ADRA1B: variants seen among roughly 807,000 people sequenced by gnomAD.
The protein encoded by ADRA1B is alpha-1B adrenergic receptor.
Under a neutral mutation model 17.9 loss-of-function variants are expected in ADRA1B, and 17 were observed. The observed-to-expected ratio is 0.95, with a 90% CI of 0.65 to 1.42. The LOEUF (loss-of-function observed/expected upper bound fraction) is 1.42. Among genes scored for constraint, ADRA1B ranks in the 40% most tolerant of loss-of-function variants. The pLI is 0.00. For missense variants in ADRA1B, 681 were observed against 722.1 expected (o/e 0.94, Z 0.65); for synonymous variants, 366 against 327.6 (o/e 1.12, Z -1.27).
chr5:159,917,572 T>TA lies in ADRA1B; in HGVS notation c.668dup (p.Tyr223Ter). Residue 223 changes from tyrosine to a stop codon, truncating the protein, a stop_gained and frameshift_variant, in exon 1 of 2, where the codon TAC becomes TAAC. Transcript: ENST00000306675. LOFTEE classifies it high-confidence loss of function. ...YIPLAVILVM[Y>*]CRVYIVAKRT... ...CCCTCTGGCGGTCATTCTAGTCATG[T>TA]ACTGCCGTGTCTATATAGTGGCCAA... 6.2e-7 allele frequency: 1 copy of TA among 1,614,124 alleles called. No individual in the cohort carries two copies. The highest frequency in any genetic ancestry group is 8.5e-7 in the Non-Finnish European group (1 of 1,180,012).
At chr5:159,917,989 T>G in intron 1 of ADRA1B, 135 bp downstream of exon 1, 1 of 854,920 alleles carries the variant, frequency 1.2e-6, no homozygotes, top group Non-Finnish European at 1.8e-6. Context: ...TAATATTGTT[T>G]GTTCTGCAAA....
At chr5:159,939,810 A>G (rs924812931) in intron 1 of ADRA1B, among the ~76,000 whole-genome samples, 16 of 152,106 alleles carry the variant, frequency 1.1e-4, no homozygotes, top group African/African-American at 3.9e-4. Flanking sequence ...TGCCAGTGCA[A>G]TTCCCTCTGC....
chr5:159,872,249 T>A (rs1481486321), intron 1 of ADRA1B, among the ~76,000 whole-genome samples: 3 of 152,180 alleles, frequency 2.0e-5, no homozygotes, highest in Non-Finnish European at 4.4e-5. Context: ...TGTTAATGAG[T>A]GCTCTTGCTT....
chr5:159,980,063 G>A, the ADRA1B span, among the ~76,000 whole-genome samples: 6 of 151,938 alleles, frequency 3.9e-5, no homozygotes, highest in South Asian at 2.1e-4. Flanking sequence ...AGGGAAAGTC[G>A]TGTTTCATGG....
chr5:159,969,343 A>C (rs1755827971), intron 1 of ADRA1B, among the ~76,000 whole-genome samples: 1 of 152,220 alleles, frequency 6.6e-6, no homozygotes, highest in African/African-American at 2.4e-5. Flanking sequence ...CTGGGCAGAG[A>C]ATTAGGAGTC....
chr5:159,934,638 G>A (rs1017042993), intron 1 of ADRA1B, among the ~76,000 whole-genome samples: 1 of 151,764 alleles, frequency 6.6e-6, no homozygotes, highest in Non-Finnish European at 1.5e-5. Context: ...AACCCCGTCT[G>A]TACTAAAAAT....
At chr5:159,941,714 A>T (rs898652264) in intron 1 of ADRA1B, among the ~76,000 whole-genome samples, 1 of 149,428 alleles carries the variant, frequency 6.7e-6, no homozygotes. Flanking sequence ...AGAACAAAGT[A>T]TGGACACATG....
At chr5:159,898,608 T>C (rs1425934899) in intron 1 of ADRA1B, among the ~76,000 whole-genome samples, 2 of 152,268 alleles carry the variant, frequency 1.3e-5, no homozygotes, top group Admixed American at 1.3e-4. Context: ...ATACTAATTA[T>C]TGGCAGTCAC....
At chr5:159,926,359 T>G (rs1754649552) in intron 1 of ADRA1B, among the ~76,000 whole-genome samples, 1 of 152,276 alleles carries the variant, frequency 6.6e-6, no homozygotes, top group Non-Finnish European at 1.5e-5. Flanking sequence ...CATGTTTCTC[T>G]CTGGGGATAA....
chr5:159,984,833 TG>T, the ADRA1B span, among the ~76,000 whole-genome samples: 43 of 149,436 alleles, frequency 2.9e-4, 1 homozygote, highest in East Asian at 8.3e-3. Flanking sequence ...TGCTTGAACC[TG>T]GGGGGCAGAG....
intron 1 of ADRA1B, among the ~76,000 whole-genome samples, chr5:159,943,323 T>C (rs1031102211): frequency 2.0e-5 from 3 of 152,206 alleles, no homozygotes; most frequent in Admixed American, 2.0e-4. Flanking sequence ...ATAAACTACC[T>C]AACTATAATG....
At chr5:159,942,517 A>C (rs1367164281) in intron 1 of ADRA1B, among the ~76,000 whole-genome samples, 1 of 152,196 alleles carries the variant, frequency 6.6e-6, no homozygotes, top group Admixed American at 6.5e-5. Context: ...CTAATTAAGA[A>C]AGATCTTTAA....
chr5:159,885,227 T>C (rs1037620686), intron 1 of ADRA1B, among the ~76,000 whole-genome samples: 3 of 152,140 alleles, frequency 2.0e-5, no homozygotes, highest in Non-Finnish European at 2.9e-5. Context: ...ATAATAATAG[T>C]GAAATTTATT....
At chr5:159,924,057 G>T (rs1172082973) in intron 1 of ADRA1B, among the ~76,000 whole-genome samples, 1 of 152,252 alleles carries the variant, frequency 6.6e-6, no homozygotes, top group Non-Finnish European at 1.5e-5. Flanking sequence ...TATTCCTATT[G>T]TTAGTACACT....
chr5:159,972,034 G>T lies in ADRA1B; in HGVS notation c.1105G>T (p.Gly369Cys). The change falls in exon 2 of 2, where the codon GGC (glycine) becomes TGC (cysteine). Residue 369 changes from glycine (G) to cysteine (C), a missense_variant. Transcript: ENST00000306675. ...FVRILGCQCR[G>C]RGRRRRRRRR... is the part of the protein sequence containing the mutation. ...GCGCATCCTCGGGTGCCAGTGCCGC[G>T]GCCGCGGCCGCCGCCGACGCCGCCG... The T allele has an allele frequency of 7.1e-7, 1 of 1,399,002 alleles. No individual in the cohort carries two copies. Among genetic ancestry groups the T allele is most frequent in the Non-Finnish European group, 9.3e-7 (1 of 1,076,046 alleles). The allele number at this position is 1,399,002 out of a possible 1,614,324, so 86.7% of individuals were successfully genotyped here.
At chr5:159,955,026 G>C in intron 1 of ADRA1B, 1 of 526,828 alleles carries the variant, frequency 1.9e-6, no homozygotes, top group Non-Finnish European at 2.4e-6. Context: ...GGTTCATCTT[G>C]CTGGAACCTG....
intron 1 of ADRA1B, among the ~76,000 whole-genome samples, chr5:159,952,150 G>A (rs1356667222): frequency 6.6e-6 from 1 of 152,094 alleles, no homozygotes; most frequent in Admixed American, 6.6e-5. Flanking sequence ...TTTTGGTACA[G>A]GAGGCCCTTC....
At chr5:159,920,284 A>G (rs989280180) in intron 1 of ADRA1B, among the ~76,000 whole-genome samples, 1 of 152,110 alleles carries the variant, frequency 6.6e-6, no homozygotes, top group Non-Finnish European at 1.5e-5. Context: ...TTTCCCAGCC[A>G]CATCGTAGTG....
chr5:159,956,564 A>G (rs1368899012), intron 1 of ADRA1B, among the ~76,000 whole-genome samples: 1 of 152,192 alleles, frequency 6.6e-6, no homozygotes, highest in Non-Finnish European at 1.5e-5. Flanking sequence ...ATGCTACATG[A>G]TTTCACAATC....
Sources: gnomAD v4.1 joint callset for allele counts (sites outside exome capture counted in the v4.1 genomes callset) on GRCh38, gnomAD v4.1.1 for gene constraint, MANE v1.5 for transcripts, NCBI Gene and HGNC (gene_info 2026-07-23, HGNC 2026-07-21) for gene names.